The following PRDM6 variants were observed in gnomAD, a reference collection of about 807,000 sequenced individuals.
PRDM6 encodes PR/SET domain 6, also known as putative histone-lysine N-methyltransferase PRDM6.
Under a neutral mutation model 60.8 loss-of-function variants are expected in PRDM6, and 25 were observed. That is an observed-to-expected ratio of 0.41 (90% CI 0.30 to 0.57). The LOEUF is 0.57. Among genes scored for constraint, PRDM6 ranks in the 20% least tolerant of loss-of-function variants. The probability of loss-of-function intolerance (pLI) is 0.27; values close to 1 mark genes in which losing one functional copy is unlikely to be tolerated. For missense variants in PRDM6, 839 were observed against 821.3 expected (o/e 1.02, Z -0.26); for synonymous variants, 407 against 357.4 (o/e 1.14, Z -1.57).
chr5:123,126,533 GC>G (rs769672701), intron 3 of PRDM6, among the ~76,000 whole-genome samples: 152 of 152,214 alleles, frequency 1.0e-3, no homozygotes, highest in Non-Finnish European at 1.5e-3. Flanking sequence ...TTGGCCTCAT[GC>G]CAGCCACCAC....
intron 3 of PRDM6, among the ~76,000 whole-genome samples, chr5:123,108,980 T>C (rs1018529173): frequency 1.3e-5 from 2 of 152,158 alleles, no homozygotes; most frequent in African/African-American, 2.4e-5. Context: ...TCTAGTCTTA[T>C]CCTCTCCACT....
intron 3 of PRDM6, among the ~76,000 whole-genome samples, chr5:123,117,594 T>G (rs1179305289): frequency 6.6e-6 from 1 of 152,210 alleles, no homozygotes; most frequent in Non-Finnish European, 1.5e-5. Context: ...GGTTTCTTTT[T>G]GGTGTCCCCA....
At position 123,190,781 on chromosome 5, in the gene PRDM6, AC is replaced by A. The variant is rs1766416352; in HGVS notation, c.*3584del. ...TATTGAACTCTTATTTTATATAAAG[AC>A]CCCATTTTATGTGTTCACCATAAGC... On this transcript the variant is annotated 3_prime_UTR_variant, in exon 8 of 8. Coordinates refer to ENST00000407847, the MANE Select transcript of PRDM6 (RefSeq NM_001136239.4). 1 of 152,180 alleles carries A rather than the reference AC, an allele frequency of 6.6e-6. No homozygotes were observed. Among genetic ancestry groups the A allele is most frequent in the Admixed American group, 6.5e-5 (1 of 15,276 alleles). 9.4% of individuals were successfully genotyped at this position (152,180 alleles called of 1,614,324 possible). A position where few individuals can be genotyped will look rare whatever the true frequency, so the allele number is the denominator to read the frequency against.
At chr5:123,127,688 TTTTCTTTCTCTTTC>T (rs747675936) in intron 3 of PRDM6, among the ~76,000 whole-genome samples, 166 of 151,476 alleles carry the variant, frequency 1.1e-3, no homozygotes, top group Admixed American at 3.0e-3. Context: ...TCTTTCTTTC[TTTTCTTTCTCTTTC>T]TTTCTTTCTC....
chr5:123,147,238 G>C (rs1765260482), intron 3 of PRDM6, among the ~76,000 whole-genome samples: 1 of 151,052 alleles, frequency 6.6e-6, no homozygotes, highest in African/African-American at 2.4e-5. Flanking sequence ...TTGTGTCAAA[G>C]AATTTTGCAG....
intron 2 of PRDM6, among the ~76,000 whole-genome samples, chr5:123,096,441 A>G (rs1217625231): frequency 6.6e-6 from 1 of 152,160 alleles, no homozygotes; most frequent in Non-Finnish European, 1.5e-5. Context: ...CTTGTTTTTA[A>G]TATCCTCAAG....
At chr5:123,181,425 A>G (rs1766158153) in intron 7 of PRDM6, among the ~76,000 whole-genome samples, 1 of 152,182 alleles carries the variant, frequency 6.6e-6, no homozygotes, top group African/African-American at 2.4e-5. Flanking sequence ...CATACGGGGC[A>G]TGGGGGAAGG....
intron 2 of PRDM6, among the ~76,000 whole-genome samples, chr5:123,093,734 C>T (rs1487985706): frequency 2.6e-5 from 4 of 152,196 alleles, no homozygotes; most frequent in African/African-American, 9.6e-5. Context: ...TGGCCTCTTC[C>T]CGGGTTCTGG....
intron 3 of PRDM6, among the ~76,000 whole-genome samples, chr5:123,137,131 T>G (rs1764977195): frequency 6.6e-6 from 1 of 152,216 alleles, no homozygotes; most frequent in Non-Finnish European, 1.5e-5. Context: ...AGCAGATATG[T>G]GTTTGCTGTC....
At chr5:123,158,835 A>G (rs989539527) in intron 4 of PRDM6, among the ~76,000 whole-genome samples, 4 of 151,870 alleles carry the variant, frequency 2.6e-5, no homozygotes, top group Non-Finnish European at 5.9e-5. Flanking sequence ...TTTAATCTGT[A>G]GGTTTTTTTT....
intron 3 of PRDM6, among the ~76,000 whole-genome samples, chr5:123,102,342 T>TAAAAATTAAAA (rs1764122105): frequency 6.6e-6 from 1 of 152,208 alleles, no homozygotes; most frequent in African/African-American, 2.4e-5. Context: ...AGCATTATGA[T>TAAAAATTAAAA]TTATTTTTAT....
intron 3 of PRDM6, among the ~76,000 whole-genome samples, chr5:123,155,256 G>A (rs1765465954): frequency 1.4e-5 from 2 of 138,526 alleles, no homozygotes; most frequent in African/African-American, 5.3e-5. Context: ...TTTTTTGAGG[G>A]TCTCTCTTTT....
intron 1 of PRDM6, 114 bp from the exon 2 acceptor site, chr5:123,089,886 G>T: frequency 1.3e-6 from 1 of 744,562 alleles, no homozygotes; most frequent in South Asian, 1.9e-5. Flanking sequence ...GCGGAACCGG[G>T]CGGCCGCCGG....
intron 3 of PRDM6, among the ~76,000 whole-genome samples, chr5:123,140,763 G>A (rs13359291): frequency 0.18 from 27,732 of 152,080 alleles, 3,137 homozygotes; most frequent in East Asian, 0.59. Flanking sequence ...TTTACATTCA[G>A]TCTTTCTTCT....
chr5:123,135,526 T>C (rs550845812), intron 3 of PRDM6, among the ~76,000 whole-genome samples: 1 of 152,272 alleles, frequency 6.6e-6, no homozygotes, highest in Admixed American at 6.5e-5. Flanking sequence ...AATAAAACTT[T>C]AGGGTGAACC....
chr5:123,105,004 A>C (rs895286927), intron 3 of PRDM6, among the ~76,000 whole-genome samples: 3 of 152,150 alleles, frequency 2.0e-5, no homozygotes, highest in African/African-American at 7.2e-5. Context: ...TATAACAGCC[A>C]TTTGGACATT....
rs1487904759 is a variant in PRDM6, at chr5:123,090,428, C to T, written c.414C>T (p.Cys138=). 5.5e-6 allele frequency: 8 copies of T among 1,453,450 alleles called. No individual in the cohort carries two copies. The African/African-American group carries it at 5.9e-5, about 11-fold the overall frequency. The allele number at this position is 1,453,450 out of a possible 1,614,324, so 90.0% of individuals were successfully genotyped here. Reference sequence around the variant, plus strand: ...AGCCGCTGCCCCCCAAGGAACTGTGCCTCGGCGCCACCTCCGGCCCCGGGC... The same window carrying T: ...AGCCGCTGCCCCCCAAGGAACTGTGTCTCGGCGCCACCTCCGGCCCCGGGC... ...AAEPLPPKEL[C]LGATSGPGPV... is the part of the protein sequence containing the mutation. The change falls in exon 2 of 8, where the codon TGC becomes TGT. Residue 138 remains cysteine, a synonymous_variant. Transcript: ENST00000407847.
intron 3 of PRDM6, among the ~76,000 whole-genome samples, chr5:123,149,322 C>T (rs1765322828): frequency 6.6e-6 from 1 of 152,136 alleles, no homozygotes. Flanking sequence ...GCTTTGCATC[C>T]AGGTACATGT....
rs1301358511 is a variant in PRDM6, at chr5:123,188,779, T to C, written c.*1578T>C. The C allele has an allele frequency of 6.6e-6, 1 of 152,194 alleles. No homozygotes were observed. Among genetic ancestry groups the C allele is most frequent in the Non-Finnish European group, 1.5e-5 (1 of 68,034 alleles). The allele number at this position is 152,194 out of a possible 1,614,324, so 9.4% of individuals were successfully genotyped here. On this transcript the variant is annotated 3_prime_UTR_variant, in exon 8 of 8. Coordinates refer to ENST00000407847, the MANE Select transcript of PRDM6 (RefSeq NM_001136239.4). ...CTGTGTGGTTTAGTTTAATCTATTA[T>C]TATGTATCTGGCTCTGAGAAAATCT...
Sources: allele counts gnomAD v4.1 joint callset (sites outside exome capture counted in the v4.1 genomes callset), GRCh38; gene constraint gnomAD v4.1.1; transcripts MANE v1.5; gene names NCBI Gene and HGNC (gene_info 2026-07-23, HGNC 2026-07-21).